NPAS2: variants seen among roughly 807,000 people sequenced by gnomAD.
NPAS2 encodes the protein neuronal PAS domain-containing protein 2.
Under a neutral mutation model 107.5 loss-of-function variants are expected in NPAS2, and 23 were observed. The ratio of observed to expected loss-of-function variants is 0.21; its 90% CI spans 0.15 to 0.30. NPAS2 has a LOEUF of 0.30. Among genes scored for constraint, NPAS2 ranks in the 10% least tolerant of loss-of-function variants. The probability of loss-of-function intolerance (pLI) is 1.00; values close to 1 mark genes in which losing one functional copy is unlikely to be tolerated. For synonymous variants in NPAS2, 403 were observed against 417.5 expected (o/e 0.97, Z 0.42); for missense variants, 756 against 1,043.3 (o/e 0.72, Z 3.79).
chr2:100,933,202 A>G (rs1684078262), intron 4 of NPAS2, among the ~76,000 whole-genome samples: 1 of 152,038 alleles, frequency 6.6e-6, no homozygotes, highest in East Asian at 1.9e-4. Context: ...GAATGTGGTC[A>G]CGTGTTTTCA....
At chr2:100,845,605 A>G (rs1172686594) in intron 1 of NPAS2, among the ~76,000 whole-genome samples, 4 of 152,190 alleles carry the variant, frequency 2.6e-5, no homozygotes, top group Non-Finnish European at 5.9e-5. Context: ...CAGCCATCCA[A>G]TGTCAGCCCT....
intron 1 of NPAS2, among the ~76,000 whole-genome samples, chr2:100,843,111 C>T (rs79999596): frequency 6.6e-5 from 10 of 151,516 alleles, no homozygotes; most frequent in Admixed American, 5.9e-4. Flanking sequence ...CCCAGCTACT[C>T]GGGAGGCTGA....
At chr2:100,909,256 T>C (rs1403382847) in intron 2 of NPAS2, among the ~76,000 whole-genome samples, 3 of 152,176 alleles carry the variant, frequency 2.0e-5, no homozygotes, top group Non-Finnish European at 4.4e-5. Flanking sequence ...TCAGGCAAGT[T>C]AGAGATGCAT....
chr2:100,904,111 A>G (rs563705924), intron 1 of NPAS2, among the ~76,000 whole-genome samples: 1 of 152,256 alleles, frequency 6.6e-6, no homozygotes, highest in East Asian at 1.9e-4. Flanking sequence ...TGATTCTTCC[A>G]GGCCACTTGT....
At chr2:100,974,005 C>T (rs1676784332) in intron 12 of NPAS2, among the ~76,000 whole-genome samples, 1 of 152,182 alleles carries the variant, frequency 6.6e-6, no homozygotes, top group Non-Finnish European at 1.5e-5. Context: ...CCACGTCCAG[C>T]TAATTTTTGT....
intron 1 of NPAS2, among the ~76,000 whole-genome samples, chr2:100,864,671 T>A (rs1462893564): frequency 6.6e-6 from 1 of 152,212 alleles, no homozygotes; most frequent in Non-Finnish European, 1.5e-5. Flanking sequence ...TTAAAGTGAC[T>A]GTTAAGTATT....
At position 100,974,755 on chromosome 2, in the gene NPAS2, C is replaced by G. The variant is rs771144800; in HGVS notation, c.1141-48C>G. The G allele has an allele frequency of 7.9e-5, 125 of 1,579,934 alleles. 1 individual carries two copies. The Admixed American group carries it at 2.2e-3, about 27-fold the overall frequency. On this transcript the variant is annotated intron_variant, in intron 12 of 20. Coordinates refer to ENST00000335681, the MANE Select transcript of NPAS2 (RefSeq NM_002518.4). Reference sequence around the variant, plus strand: ...AGAACTAAAGTCACGCCCACTGATTCTTTCCTCTTGATGCTGACATGAGGA... The same window carrying G: ...AGAACTAAAGTCACGCCCACTGATTGTTTCCTCTTGATGCTGACATGAGGA...
In NPAS2 at chr2:100,825,784, T is replaced by C. The variant is rs182259034; in HGVS notation, c.-23+5370T>C. On this transcript the variant is annotated intron_variant, in intron 1 of 20. Coordinates refer to ENST00000335681, the MANE Select transcript of NPAS2 (RefSeq NM_002518.4). The stretch of plus-strand genomic sequence containing the variant: ...AGAGACAAGGAAGGAAACAGTCCTT[T>C]CCTTCCACTAGATACTGTGATATGT... Among the ~76,000 whole-genome samples, 10 of 152,332 alleles carry C rather than the reference T, an allele frequency of 6.6e-5. No individual in the cohort carries two copies. The East Asian group carries it at 1.9e-3, about 29-fold the overall frequency.
intron 7 of NPAS2, among the ~76,000 whole-genome samples, chr2:100,960,642 C>G (rs1367209448): frequency 1.3e-5 from 2 of 152,088 alleles, no homozygotes; most frequent in Non-Finnish European, 2.9e-5. Context: ...ACCTGCCTGC[C>G]AGTGGAACCC....
chr2:100,822,554 A>G (rs1255858488), intron 1 of NPAS2: 1 of 152,212 alleles, frequency 6.6e-6, no homozygotes, highest in African/African-American at 2.4e-5. Context: ...TAGATTAAAA[A>G]CTGAAAGTTA....
intron 2 of NPAS2, among the ~76,000 whole-genome samples, chr2:100,908,268 G>A (rs1442762564): frequency 6.6e-6 from 1 of 152,120 alleles, no homozygotes; most frequent in Non-Finnish European, 1.5e-5. Flanking sequence ...CCCTGGCACA[G>A]TGCAGTATGC....
At chr2:100,838,432 C>G (rs1033363773) in intron 1 of NPAS2, among the ~76,000 whole-genome samples, 1 of 152,090 alleles carries the variant, frequency 6.6e-6, no homozygotes, top group African/African-American at 2.4e-5. Flanking sequence ...CACCCACCAC[C>G]ACGCCTGACT....
At chr2:100,838,311 C>A (rs1677189283) in intron 1 of NPAS2, among the ~76,000 whole-genome samples, 1 of 151,674 alleles carries the variant, frequency 6.6e-6, no homozygotes, top group African/African-American at 2.4e-5. Context: ...GAGTTTTGCT[C>A]TTGTTGCCCA....
At chr2:100,867,207 C>T (rs934056430) in intron 1 of NPAS2, among the ~76,000 whole-genome samples, 2 of 152,178 alleles carry the variant, frequency 1.3e-5, no homozygotes, top group African/African-American at 4.8e-5. Context: ...TCCATTAGAT[C>T]TGTGCTGCTC....
chr2:100,892,116 A>G (rs1259872249), intron 1 of NPAS2, among the ~76,000 whole-genome samples: 1 of 152,194 alleles, frequency 6.6e-6, no homozygotes, highest in Non-Finnish European at 1.5e-5. Context: ...CGAACTCTTG[A>G]TAGAGAGTCC....
intron 1 of NPAS2, among the ~76,000 whole-genome samples, chr2:100,844,566 G>A (rs1677652323): frequency 6.6e-6 from 1 of 152,076 alleles, no homozygotes; most frequent in African/African-American, 2.4e-5. Context: ...GATATGCATC[G>A]ACTGCAGAGT....
At chr2:100,975,834 G>C (rs1328432756) in intron 14 of NPAS2, 1 of 369,466 alleles carries the variant, frequency 2.7e-6, no homozygotes, top group Non-Finnish European at 4.9e-6. Context: ...GCAAACCCGG[G>C]GTCATACCCT....
intron 1 of NPAS2, among the ~76,000 whole-genome samples, chr2:100,903,680 C>G (rs920289009): frequency 2.0e-5 from 3 of 152,190 alleles, no homozygotes; most frequent in African/African-American, 4.8e-5. Flanking sequence ...TTCAGCTTCT[C>G]CATGGTCCCC....
At chr2:100,977,101 A>G (rs1208536459) in intron 14 of NPAS2, 1 of 151,914 alleles carries the variant, frequency 6.6e-6, no homozygotes, top group Non-Finnish European at 1.5e-5. Context: ...ATTTCTTGTT[A>G]CTATACATTG....
Sources: allele counts gnomAD v4.1 joint callset (sites outside exome capture counted in the v4.1 genomes callset), GRCh38; gene constraint gnomAD v4.1.1; transcripts MANE v1.5; gene names NCBI Gene and HGNC (gene_info 2026-07-23, HGNC 2026-07-21).